The following CACNA1S variants were observed in gnomAD, a reference collection of about 807,000 sequenced individuals.
CACNA1S encodes calcium voltage-gated channel subunit alpha1 S.
CACNA1S carries 126 observed loss-of-function variants against 207.4 expected under a neutral mutation model. The ratio of observed to expected loss-of-function variants is 0.61; its 90% CI spans 0.53 to 0.70. CACNA1S has a LOEUF of 0.70. Ranked by LOEUF, CACNA1S falls within the 30% of genes least tolerant of loss-of-function variation. The pLI, the probability that CACNA1S is intolerant of heterozygous loss-of-function variation, is 0.00. For missense variants in CACNA1S, 2,349 were observed against 2,422.8 expected (o/e 0.97, Z 0.64); for synonymous variants, 960 against 932.7 (o/e 1.03, Z -0.53).
In CACNA1S at chr1:201,077,922, C is replaced by T. The variant is rs557195329; in HGVS notation, c.1576G>A (p.Val526Met). Residue 526 changes from valine (V) to methionine (M), a missense_variant, in exon 11 of 44, where the codon GTG becomes ATG. Coordinates refer to ENST00000362061, the MANE Select transcript of CACNA1S (RefSeq NM_000069.3). ...CTCAGGAGGCGGATGCAGCGGAGCACGGAGATGCCCAGGGGTGTCATGGCA... is the reference window on the plus strand; with the variant it reads ...CTCAGGAGGCGGATGCAGCGGAGCATGGAGATGCCCAGGGGTGTCATGGCA... ...SGAMTPLGIS[V>M]LRCIRLLRIF... is the part of the protein sequence containing the mutation. 26 of 1,614,116 alleles carry T rather than the reference C, an allele frequency of 1.6e-5. No homozygotes were observed. Among genetic ancestry groups the T allele is most frequent in the Middle Eastern group, 1.6e-4 (1 of 6,062 alleles).
At chr1:201,094,163 A>ACC (rs201338755) in intron 2 of CACNA1S, 142 bp from the exon 3 acceptor site, 1 of 863,446 alleles carries the variant, frequency 1.2e-6, no homozygotes. Context: ...TGGAATGCCT[A>ACC]CCCCCCCACT....
At chr1:201,059,685 T>A (rs1356247712) in intron 26 of CACNA1S, among the ~76,000 whole-genome samples, 1 of 152,166 alleles carries the variant, frequency 6.6e-6, no homozygotes, top group East Asian at 1.9e-4. Context: ...GTCATTTGGG[T>A]ACAGGACTGG....
chr1:201,090,141 T>C (rs150942701), intron 5 of CACNA1S, among the ~76,000 whole-genome samples: 205 of 152,298 alleles, frequency 1.3e-3, no homozygotes, highest in Admixed American at 2.7e-3. Flanking sequence ...TATTTATCTA[T>C]TTACCATGTA....
intron 38 of CACNA1S, among the ~76,000 whole-genome samples, chr1:201,045,126 C>T (rs945330443): frequency 1.3e-5 from 2 of 152,174 alleles, no homozygotes; most frequent in South Asian, 4.1e-4. Context: ...AAGTTAATAT[C>T]ACCAGTAATG....
Position 201,053,210 on chromosome 1 carries a change from T to A in CACNA1S, c.3860A>T (p.Gln1287Leu). ...GGCCTGGGCCCGCCTGCCTCTCACC[T>A]GCATGCCGATGACAGCGTAGATGAA... is the stretch of plus-strand genomic sequence containing the variant. Reference protein sequence around the residue: ...LFFIYAVIGMQMFGKIALVDG... With the variant: ...LFFIYAVIGMLMFGKIALVDG... Residue 1287 changes from glutamine (Q) to leucine (L), a missense_variant and splice_region_variant, in exon 31 of 44, where the codon CAG (glutamine) becomes CTG (leucine). Physicochemically the swap from Gln to Leu is moderately radical, Grantham distance 113 (BLOSUM62 -2). Coordinates refer to ENST00000362061, the MANE Select transcript of CACNA1S (RefSeq NM_000069.3). This position sits in a 1 kb window ranked among gnomAD's most constrained non-coding sequence, Gnocchi z 5.1. The A allele has an allele frequency of 6.2e-7, 1 of 1,614,214 alleles. No individual in the cohort carries two copies. Among genetic ancestry groups the A allele is most frequent in the Non-Finnish European group, 8.5e-7 (1 of 1,180,032 alleles).
In CACNA1S at chr1:201,077,054, G is replaced by A; in HGVS notation, c.1693C>T (p.Leu565=). ...SIRSIASLLL[L]LFLFIVIFAL... is the part of the protein sequence containing the mutation. Reference sequence around the variant, plus strand: ...AAGATGACGATGAAGAGGAAGAGCAGCAGCAGCAGGGAGGCGATGGAGCGG... The same window carrying A: ...AAGATGACGATGAAGAGGAAGAGCAACAGCAGCAGGGAGGCGATGGAGCGG... Residue 565 remains leucine, a synonymous_variant, in exon 12 of 44, where the codon CTG becomes TTG. Coordinates refer to ENST00000362061, the MANE Select transcript of CACNA1S (RefSeq NM_000069.3). The A allele has an allele frequency of 1.9e-6, 3 of 1,614,222 alleles. No individual in the cohort carries two copies. In the East Asian group the frequency reaches 6.7e-5, roughly 36 times the overall value.
In CACNA1S at chr1:201,072,787, A is replaced by G; in HGVS notation, c.2195T>C (p.Val732Ala). 1 of 1,613,722 alleles carries G rather than the reference A, an allele frequency of 6.2e-7. No homozygotes were observed. Among genetic ancestry groups the G allele is most frequent in the African/African-American group, 1.3e-5 (1 of 74,982 alleles). ...GTCGGCTGAGGGGTAGGGATCCTTC[A>G]CCTCATTGACATTAGATTCAAACTC... is the stretch of plus-strand genomic sequence containing the variant. ...IDEFESNVNE[V>A]KDPYPSADFP... The change falls in exon 16 of 44, where the codon GTG (valine) becomes GCG (alanine). Residue 732 changes from valine to alanine, a missense_variant. By Grantham distance (64) the Val-to-Ala change is moderately conservative (BLOSUM62 0). Transcript: ENST00000362061.
intron 2 of CACNA1S, among the ~76,000 whole-genome samples, chr1:201,099,182 G>A (rs2102175205): frequency 6.6e-6 from 1 of 152,318 alleles, no homozygotes; most frequent in Middle Eastern, 3.4e-3. Context: ...TTCCTCCAAA[G>A]GGATCTGCCC....
In CACNA1S at chr1:201,072,144, G is replaced by A. The variant is rs189642584; in HGVS notation, c.2227+611C>T. ...GGCCTGGTAAGATTAATTCAGCCTG[G>A]TTCTGCTTGTCCTCTTCTTGGTCCA... On this transcript the variant is annotated intron_variant, in intron 16 of 43. Coordinates refer to ENST00000362061, the MANE Select transcript of CACNA1S (RefSeq NM_000069.3). 2.0e-5 allele frequency among the ~76,000 whole-genome samples: 3 copies of A among 152,118 alleles called. No homozygotes were observed. The South Asian group carries it at 6.2e-4, about 31-fold the overall frequency.
chr1:201,060,503 G>A (rs543683292), intron 26 of CACNA1S, among the ~76,000 whole-genome samples, 155 bp downstream of exon 26: 21 of 152,286 alleles, frequency 1.4e-4, no homozygotes, highest in Non-Finnish European at 2.5e-4. Context: ...AGGCCTGTGC[G>A]CAGTTCACTT....
chr1:201,096,732 G>A (rs187613779), intron 2 of CACNA1S, among the ~76,000 whole-genome samples: 64 of 152,278 alleles, frequency 4.2e-4, no homozygotes, highest in African/African-American at 1.5e-3. Context: ...GGATTAAATG[G>A]CACCTTGTAA....
chr1:201,063,131 CTTT>C (rs111683985), intron 22 of CACNA1S, among the ~76,000 whole-genome samples: 4 of 115,526 alleles, frequency 3.5e-5, no homozygotes, highest in African/African-American at 1.1e-4. Context: ...GCAGTTAATC[CTTT>C]TTTTTTTTTT....
chr1:201,072,700 C>A (rs932341687), intron 16 of CACNA1S, 55 bp downstream of exon 16: 16 of 1,355,756 alleles, frequency 1.2e-5, no homozygotes, highest in Non-Finnish European at 1.6e-5. Context: ...TCAGGACCGG[C>A]ACACCCCTAC....
In CACNA1S at chr1:201,110,235, C is replaced by A. The variant is rs886045804; in HGVS notation, c.187G>T (p.Ala63Ser). ...TACACGGCCAGGGCCACACAATTGG[C>A]AAAGATGGTGAGCAAGATGATCGTC... The part of the protein sequence containing the change: ...FETIILLTIF[A>S]NCVALAVYLP... Residue 63 changes from alanine (A) to serine (S), a missense_variant, in exon 2 of 44, where the codon GCC becomes TCC. Coordinates refer to ENST00000362061, the MANE Select transcript of CACNA1S (RefSeq NM_000069.3). 4 of 1,614,156 alleles carry A rather than the reference C, an allele frequency of 2.5e-6. No homozygotes were observed. The highest frequency in any genetic ancestry group is 3.4e-6 in the Non-Finnish European group (4 of 1,180,008).
intron 38 of CACNA1S, among the ~76,000 whole-genome samples, chr1:201,045,780 T>C (rs1250487523): frequency 6.6e-6 from 1 of 151,136 alleles, no homozygotes; most frequent in East Asian, 1.9e-4. Context: ...AATTTCCTGA[T>C]TTTGTGGTTA....
intron 2 of CACNA1S, among the ~76,000 whole-genome samples, chr1:201,107,814 C>T (rs1019532113): frequency 1.3e-5 from 2 of 152,154 alleles, no homozygotes; most frequent in African/African-American, 2.4e-5. Flanking sequence ...TGGGTATCAC[C>T]GACTTTCTCT....
chr1:201,050,888 G>A lies in CACNA1S; in HGVS notation c.4113+96C>T, dbSNP rs1572026155. 8 of 1,287,026 alleles carry A rather than the reference G, an allele frequency of 6.2e-6. No homozygotes were observed. The East Asian group carries it at 1.8e-4, about 30-fold the overall frequency. The allele number at this position is 1,287,026 out of a possible 1,614,324, so 79.7% of individuals were successfully genotyped here. ...CCTGCGTCCCCGAGATGAATCCCAG[G>A]AGAGGTGGAAACTGGCCAGGAAGGG... On this transcript the variant is annotated intron_variant, in intron 33 of 43. Coordinates refer to ENST00000362061, the MANE Select transcript of CACNA1S (RefSeq NM_000069.3).
chr1:201,090,184 C>T (rs930180466), intron 5 of CACNA1S, among the ~76,000 whole-genome samples: 1 of 152,158 alleles, frequency 6.6e-6, no homozygotes, highest in Non-Finnish European at 1.5e-5. Flanking sequence ...AAGGAGAGGA[C>T]ATTGATGGGT....
intron 16 of CACNA1S, among the ~76,000 whole-genome samples, chr1:201,071,455 G>T (rs1392020774): frequency 6.6e-6 from 1 of 152,100 alleles, no homozygotes; most frequent in Non-Finnish European, 1.5e-5. Flanking sequence ...TAGCATATTT[G>T]CATCTTTCCC....
Sources: gnomAD v4.1 joint callset for allele counts (sites outside exome capture counted in the v4.1 genomes callset) on GRCh38, gnomAD v4.1.1 for gene constraint, Gnocchi (gnomAD v3.1) non-coding constraint, MANE v1.5 for transcripts, NCBI Gene and HGNC (gene_info 2026-07-23, HGNC 2026-07-21) for gene names.